SLC25A13: variants seen among roughly 807,000 people sequenced by gnomAD.
The protein encoded by SLC25A13 is solute carrier family 25 member 13.
A neutral mutation model predicts 85.5 loss-of-function variants in SLC25A13; 70 were observed. The observed-to-expected ratio is 0.82, with a 90% CI of 0.68 to 1.00. SLC25A13 has a LOEUF of 1.00. SLC25A13 is among the 50% of genes least tolerant of loss of function. The pLI is 0.00. For missense variants in SLC25A13, 765 were observed against 819.8 expected (o/e 0.93, Z 0.82); for synonymous variants, 259 against 288.7 (o/e 0.90, Z 1.04).
chr7:96,194,457 A>AAAAAAAAAAAAAAAG, intron 5 of SLC25A13, among the ~76,000 whole-genome samples: 1 of 147,824 alleles, frequency 6.8e-6, no homozygotes, highest in Non-Finnish European at 1.5e-5. Context: ...AAAAAAAAAA[A>AAAAAAAAAAAAAAAG]AAAAAAAAAA....
rs1405970953 is a variant in SLC25A13 at position 96,170,031 on chromosome 7, CA to C, written c.1311+13del. 1 of 1,613,458 alleles carries C rather than the reference CA, an allele frequency of 6.2e-7. No homozygotes were observed. The highest frequency in any genetic ancestry group is 2.2e-5 in the East Asian group (1 of 44,866). On this transcript the variant is annotated intron_variant, in intron 13 of 17. Coordinates refer to ENST00000265631, the MANE Select transcript of SLC25A13 (RefSeq NM_014251.3). ...CAAGTCTTTTCAATGAAGAGAGCTT[CA>C]AAAGGTACTTACGCAGCCTCCAGCA...
intron 1 of SLC25A13, 50 bp downstream of exon 1, chr7:96,321,892 C>T: frequency 1.3e-6 from 2 of 1,519,776 alleles, no homozygotes; most frequent in Non-Finnish European, 1.8e-6. Context: ...TCTCGCACCC[C>T]CAGGCTGATC....
chr7:96,289,453 C>T (rs925422659), intron 2 of SLC25A13, among the ~76,000 whole-genome samples: 1 of 152,106 alleles, frequency 6.6e-6, no homozygotes, highest in African/African-American at 2.4e-5. Flanking sequence ...GACGATCAAA[C>T]TTCTCCGAGC....
chr7:96,164,874 T>G (rs1793681380), intron 13 of SLC25A13, among the ~76,000 whole-genome samples: 1 of 152,170 alleles, frequency 6.6e-6, no homozygotes, highest in African/African-American at 2.4e-5. Flanking sequence ...TTGGGAATTA[T>G]CATTAAGTAT....
At chr7:96,160,931 CT>C (rs1427042543) in intron 13 of SLC25A13, among the ~76,000 whole-genome samples, 1 of 150,906 alleles carries the variant, frequency 6.6e-6, no homozygotes, top group Non-Finnish European at 1.5e-5. Flanking sequence ...TGCCTCTTGG[CT>C]TTTCAGAAAT....
intron 3 of SLC25A13, among the ~76,000 whole-genome samples, chr7:96,275,678 T>A (rs185303902): frequency 3.3e-5 from 5 of 151,952 alleles, no homozygotes; most frequent in African/African-American, 1.2e-4. Context: ...TAGATGGGAA[T>A]TGAACAATGA....
chr7:96,179,702 C>T (rs916206732), intron 11 of SLC25A13, among the ~76,000 whole-genome samples: 9 of 152,210 alleles, frequency 5.9e-5, no homozygotes, highest in African/African-American at 2.2e-4. Context: ...AAAATAAAGA[C>T]TCAAACCTAT....
chr7:96,181,078 A>C (rs1794402934), intron 11 of SLC25A13, among the ~76,000 whole-genome samples: 1 of 152,226 alleles, frequency 6.6e-6, no homozygotes, highest in Admixed American at 6.5e-5. Context: ...CAACAACAAC[A>C]ACAACAAACT....
rs142748998 is a variant in SLC25A13, at chr7:96,155,919, C to T, written c.1312-9223G>A. On this transcript the variant is annotated intron_variant, in intron 13 of 17. Transcript: ENST00000265631. ...CTTCAAGGTAGTAAAAGAATGTGAA[C>T]GCGACTTGCCCAATTTCTAACCCAC... Among the ~76,000 whole-genome samples, 140 of 152,330 alleles carry T rather than the reference C, an allele frequency of 9.2e-4. 1 individual carries two copies. In the East Asian group the frequency reaches 0.019, roughly 20 times the overall value.
chr7:96,303,021 A>G (rs1799608546), intron 1 of SLC25A13, among the ~76,000 whole-genome samples: 1 of 152,214 alleles, frequency 6.6e-6, no homozygotes, highest in African/African-American at 2.4e-5. Flanking sequence ...TAGGTTTTAC[A>G]AAACCCAAAC....
chr7:96,307,812 T>C (rs578002268), intron 1 of SLC25A13, among the ~76,000 whole-genome samples: 9 of 152,218 alleles, frequency 5.9e-5, no homozygotes, highest in South Asian at 2.1e-4. Context: ...ATTCCCCTCA[T>C]AGAATGTTTC....
chr7:96,204,446 G>T (rs1399973108), intron 5 of SLC25A13, among the ~76,000 whole-genome samples: 3 of 152,076 alleles, frequency 2.0e-5, no homozygotes, highest in African/African-American at 7.2e-5. Flanking sequence ...AGGCCAAGGC[G>T]GGTGGATCAC....
chr7:96,286,247 T>C (rs1798880955), intron 2 of SLC25A13, among the ~76,000 whole-genome samples: 1 of 145,894 alleles, frequency 6.9e-6, no homozygotes, highest in South Asian at 2.1e-4. Flanking sequence ...ATCATACCAC[T>C]GCATTCCAGC....
intron 1 of SLC25A13, among the ~76,000 whole-genome samples, chr7:96,311,683 C>G (rs1264879527): frequency 6.6e-6 from 1 of 152,084 alleles, no homozygotes; most frequent in Non-Finnish European, 1.5e-5. Flanking sequence ...CCTACAGGGA[C>G]TTCAAGAAAT....
At chr7:96,194,442 CAAAAAAAAAAA>C (rs546248549) in intron 5 of SLC25A13, among the ~76,000 whole-genome samples, 2 of 27,694 alleles carry the variant, frequency 7.2e-5, no homozygotes, top group South Asian at 4.5e-3. Flanking sequence ...AACCTTGTCT[CAAAAAAAAAAA>C]AAAAAAAAAA....
Position 96,290,342 on chromosome 7 carries a change from C to T in SLC25A13, c.69+6556G>A, listed in dbSNP as rs140096951. 9.5e-3 allele frequency among the ~76,000 whole-genome samples: 1,446 copies of T among 152,242 alleles called. 11 individuals carry two copies. Among genetic ancestry groups the T allele is most frequent in the South Asian group, 0.04 (191 of 4,824 alleles). On this transcript the variant is annotated intron_variant, in intron 2 of 17. Transcript: ENST00000265631. ...AAACATGCCAAATTGTAAAGACCAT[C>T]GATGCTAGGGAGAAACTGTATGAAG...
chr7:96,271,270 C>A (rs1416461018), intron 3 of SLC25A13, among the ~76,000 whole-genome samples: 1 of 152,098 alleles, frequency 6.6e-6, no homozygotes, highest in Non-Finnish European at 1.5e-5. Flanking sequence ...TGATATAAAA[C>A]CCTCATTTGA....
At chr7:96,186,436 A>G (rs1794647785) in intron 9 of SLC25A13, among the ~76,000 whole-genome samples, 1 of 152,222 alleles carries the variant, frequency 6.6e-6, no homozygotes, top group South Asian at 2.1e-4. Context: ...TCTCAAAAAG[A>G]AAAAAGTTAG....
chr7:96,289,003 C>T (rs1409186326), intron 2 of SLC25A13, among the ~76,000 whole-genome samples: 2 of 152,150 alleles, frequency 1.3e-5, no homozygotes, highest in Admixed American at 1.3e-4. Context: ...TGGGAGGCGC[C>T]CCCCAGTAGG....
Sources: allele counts gnomAD v4.1 joint callset (sites outside exome capture counted in the v4.1 genomes callset), GRCh38; gene constraint gnomAD v4.1.1; transcripts MANE v1.5; gene names NCBI Gene and HGNC (gene_info 2026-07-23, HGNC 2026-07-21).